The following ASTN2 variants were observed in gnomAD, a reference collection of about 807,000 sequenced individuals.
The protein encoded by ASTN2 is astrotactin-2.
Under a neutral mutation model 139.8 loss-of-function variants are expected in ASTN2, and 54 were observed. The observed-to-expected ratio is 0.39, with a 90% CI of 0.31 to 0.48. The LOEUF is 0.48. Ranked by LOEUF, ASTN2 falls within the 20% of genes least tolerant of loss-of-function variation. The pLI is 0.95. For synonymous variants in ASTN2, 756 were observed against 719.5 expected, an observed-to-expected ratio of 1.05 and a Z score of -0.81; for missense variants, 1,565 against 1,725.1, an observed-to-expected ratio of 0.91 and a Z score of 1.64.
At chr9:117,155,973 C>G (rs1830424120) in intron 3 of ASTN2, among the ~76,000 whole-genome samples, 1 of 151,944 alleles carries the variant, frequency 6.6e-6, no homozygotes, top group Non-Finnish European at 1.5e-5. Context: ...ATGAGTGTTA[C>G]ATTAAGCATA....
At chr9:116,472,786 G>A (rs1174520326) in intron 20 of ASTN2, among the ~76,000 whole-genome samples, 5 of 151,900 alleles carry the variant, frequency 3.3e-5, no homozygotes, top group South Asian at 2.1e-4. Context: ...TGGTGGCGGC[G>A]GCGGAGGGGG....
chr9:116,542,647 G>A (rs956261470), intron 19 of ASTN2, among the ~76,000 whole-genome samples: 2 of 152,176 alleles, frequency 1.3e-5, no homozygotes, highest in Non-Finnish European at 2.9e-5. Context: ...TTTTGGCTGG[G>A]TGTGGTGGCT....
At chr9:117,006,143 C>T (rs1348930888) in intron 7 of ASTN2, among the ~76,000 whole-genome samples, 1 of 152,146 alleles carries the variant, frequency 6.6e-6, no homozygotes, top group Non-Finnish European at 1.5e-5. Context: ...ACACTGTAAA[C>T]ACCCACACCC....
At chr9:116,567,238 A>T (rs763997988) in intron 19 of ASTN2, among the ~76,000 whole-genome samples, 2 of 152,172 alleles carry the variant, frequency 1.3e-5, no homozygotes, top group African/African-American at 2.4e-5. Flanking sequence ...TACCACTGTG[A>T]TTTACCTGAA....
chr9:117,257,036 C>A (rs1229543713), intron 2 of ASTN2, among the ~76,000 whole-genome samples: 1 of 152,000 alleles, frequency 6.6e-6, no homozygotes, highest in Non-Finnish European at 1.5e-5. Context: ...ATTTTTGTAG[C>A]ACAACTTATA....
At chr9:117,394,677 C>T (rs548488560) in intron 1 of ASTN2, among the ~76,000 whole-genome samples, 1 of 152,284 alleles carries the variant, frequency 6.6e-6, no homozygotes, top group South Asian at 2.1e-4. Context: ...GAGGACACAG[C>T]TCGAGCAAAG....
intron 1 of ASTN2, among the ~76,000 whole-genome samples, chr9:117,393,680 T>C (rs1354517006): frequency 2.0e-5 from 3 of 152,180 alleles, no homozygotes; most frequent in Non-Finnish European, 4.4e-5. Context: ...GTCAGACAGT[T>C]CCATCCGCTC....
intron 1 of ASTN2, among the ~76,000 whole-genome samples, chr9:117,317,320 C>G (rs1235689919): frequency 6.6e-6 from 1 of 152,142 alleles, no homozygotes; most frequent in African/African-American, 2.4e-5. Flanking sequence ...ACCATAAGTC[C>G]CAGTGGTCAT....
intron 16 of ASTN2, among the ~76,000 whole-genome samples, chr9:116,658,878 GA>G (rs1262757200): frequency 1.3e-5 from 2 of 151,286 alleles, no homozygotes; most frequent in African/African-American, 2.4e-5. Context: ...TTTGTCAAAA[GA>G]TTTGATTAAA....
At chr9:116,650,830 G>A (rs1857865372) in intron 17 of ASTN2, among the ~76,000 whole-genome samples, 1 of 151,756 alleles carries the variant, frequency 6.6e-6, no homozygotes, top group Non-Finnish European at 1.5e-5. Context: ...CCTATGATGT[G>A]CAACCCTCCC....
chr9:117,196,726 G>A (rs1831515937), intron 3 of ASTN2, among the ~76,000 whole-genome samples: 1 of 152,128 alleles, frequency 6.6e-6, no homozygotes, highest in African/African-American at 2.4e-5. Flanking sequence ...ATTTTACAAA[G>A]GAAGGCATTT....
intron 1 of ASTN2, among the ~76,000 whole-genome samples, chr9:117,324,311 A>G (rs1305656823): frequency 6.6e-6 from 1 of 152,188 alleles, no homozygotes; most frequent in Admixed American, 6.5e-5. Flanking sequence ...ACACTGCTAT[A>G]AAGATATTAC....
At chr9:117,103,194 A>T (rs1829024434) in intron 4 of ASTN2, among the ~76,000 whole-genome samples, 1 of 152,192 alleles carries the variant, frequency 6.6e-6, no homozygotes, top group African/African-American at 2.4e-5. Flanking sequence ...CTAGGTACTG[A>T]AGATAAAGCC....
chr9:116,952,303 G>A (rs1835584807), intron 10 of ASTN2, among the ~76,000 whole-genome samples: 1 of 152,158 alleles, frequency 6.6e-6, no homozygotes, highest in Non-Finnish European at 1.5e-5. Context: ...GGGCTCGCAT[G>A]CAGCCACAGA....
chr9:116,799,696 G>C (rs1015766144), intron 13 of ASTN2, among the ~76,000 whole-genome samples: 1 of 128,246 alleles, frequency 7.8e-6, no homozygotes, highest in African/African-American at 3.4e-5. Context: ...AATGAATGTG[G>C]GTAAGAGAGT....
chr9:116,910,514 C>A (rs1181739703), intron 10 of ASTN2, among the ~76,000 whole-genome samples: 1 of 152,164 alleles, frequency 6.6e-6, no homozygotes, highest in Non-Finnish European at 1.5e-5. Flanking sequence ...CGCTTACATA[C>A]AAACGTTCCT....
chr9:117,317,745 T>A (rs1349511036), intron 1 of ASTN2, among the ~76,000 whole-genome samples: 2 of 152,122 alleles, frequency 1.3e-5, no homozygotes, highest in African/African-American at 4.8e-5. Context: ...AAGAAGAGAC[T>A]GGCTCATGAG....
rs57512218 is a variant in ASTN2, at chr9:116,607,670, AACACACACACACACACAC to A, written c.3355+10636_3355+10653del. ...CTACTGCCCACACCATTAAGAAATT[AACACACACACACACACAC>A]ACACACACACACACACACACACACA... On this transcript the variant is annotated intron_variant, in intron 19 of 22. Coordinates refer to ENST00000313400, the MANE Select transcript of ASTN2 (RefSeq NM_001365068.1). Among the ~76,000 whole-genome samples the A allele has an allele frequency of 2.2e-3, 296 of 136,358 alleles. 2 individuals carry two copies. Among genetic ancestry groups the A allele is most frequent in the Middle Eastern group, 7.2e-3 (2 of 276 alleles). 89.5% of individuals were successfully genotyped at this position (136,358 alleles called of 152,430 possible).
rs144408111 is a variant in ASTN2 at position 116,968,530 on chromosome 9, T to C, written c.1889+6678A>G. Among the ~76,000 whole-genome samples, 115 of 152,242 alleles carry C rather than the reference T, an allele frequency of 7.6e-4. 1 individual carries two copies. Among genetic ancestry groups the C allele is most frequent in the African/African-American group, 2.6e-3 (110 of 41,538 alleles). On this transcript the variant is annotated intron_variant, in intron 10 of 22. Coordinates refer to ENST00000313400, the MANE Select transcript of ASTN2 (RefSeq NM_001365068.1). ...AGAGGAGAGAAAAGAGCATGCATGT[T>C]CTCTCTGCTGTCCTTCTCTCCCTTC... is the stretch of plus-strand genomic sequence containing the variant.
Sources: gnomAD v4.1 joint callset for allele counts (sites outside exome capture counted in the v4.1 genomes callset) on GRCh38, gnomAD v4.1.1 for gene constraint, MANE v1.5 for transcripts, NCBI Gene and HGNC (gene_info 2026-07-23, HGNC 2026-07-21) for gene names.